The following SSBP1 variants were observed in gnomAD, a reference collection of about 807,000 sequenced individuals.
The protein encoded by SSBP1 is single-stranded DNA-binding protein, mitochondrial.
In SSBP1, 20 loss-of-function variants were observed where a neutral mutation model predicts 27.0. The observed-to-expected ratio is 0.74, with a 90% CI of 0.52 to 1.08. The LOEUF (loss-of-function observed/expected upper bound fraction) is 1.08, where lower values mean the gene tolerates loss of function less well. SSBP1 is among the 50% of genes least tolerant of loss of function. The pLI is 0.00. For synonymous variants in SSBP1, 59 were observed against 59.3 expected (o/e 1.00, Z 0.02); for missense variants, 137 against 182.4 (o/e 0.75, Z 1.44).
At chr7:141,749,962 G>T (rs1250813869) in intron 6 of SSBP1, among the ~76,000 whole-genome samples, 1 of 152,174 alleles carries the variant, frequency 6.6e-6, no homozygotes, top group Non-Finnish European at 1.5e-5. Flanking sequence ...TTTCTCTGAG[G>T]ATGTGCTGCC....
chr7:141,739,055 T>C, intron 1 of SSBP1, 69 bp from the exon 2 acceptor site: 3 of 847,224 alleles, frequency 3.5e-6, no homozygotes, highest in Non-Finnish European at 5.4e-6. Context: ...GTTAGGAATT[T>C]AGGACTGGTG....
chr7:141,747,814 A>G (rs1799838578), intron 6 of SSBP1, among the ~76,000 whole-genome samples: 1 of 151,210 alleles, frequency 6.6e-6, no homozygotes, highest in Admixed American at 6.6e-5. Flanking sequence ...GCCTGGGAAC[A>G]TGGTGAAACC....
At chr7:141,746,187 A>C (rs575254426) in intron 6 of SSBP1, 1 of 162,430 alleles carries the variant, frequency 6.2e-6, no homozygotes, top group South Asian at 2.0e-4. Flanking sequence ...CACCTGGCTA[A>C]TTTTTGTAAT....
Position 141,742,859 on chromosome 7 carries a change from A to G in SSBP1, c.85+630A>G, listed in dbSNP as rs79211688. ...ACATTTCTCTCAGTCTTGAGTGTGG[A>G]TTTCTTTTTTTTTGAGACTGAGTCT... is the stretch of plus-strand genomic sequence containing the variant. On this transcript the variant is annotated intron_variant, in intron 3 of 6. Coordinates refer to ENST00000265304, the MANE Select transcript of SSBP1 (RefSeq NM_003143.3). Among the ~76,000 whole-genome samples, 6 of 151,776 alleles carry G rather than the reference A, an allele frequency of 4.0e-5. No homozygotes were observed. The East Asian group carries it at 9.7e-4, about 25-fold the overall frequency.
chr7:141,745,768 T>C lies in SSBP1; in HGVS notation c.403+184T>C. 4 of 1,333,924 alleles carry C rather than the reference T, an allele frequency of 3.0e-6. 1 individual carries two copies. The highest frequency in any genetic ancestry group is 5.5e-5 in the East Asian group (2 of 36,672). The allele number at this position is 1,333,924 out of a possible 1,614,324, so 82.6% of individuals were successfully genotyped here. A position where few individuals can be genotyped will look rare whatever the true frequency, so the allele number is the denominator to read the frequency against. On this transcript the variant is annotated intron_variant, in intron 6 of 6. Transcript: ENST00000265304. ...GAGTTTGTACATTTATCCCTTCCTT[T>C]AAAAAATTATTTTTATACTTACAGT...
At chr7:141,747,573 A>G (rs1284160988) in intron 6 of SSBP1, among the ~76,000 whole-genome samples, 1 of 151,630 alleles carries the variant, frequency 6.6e-6, no homozygotes, top group Non-Finnish European at 1.5e-5. Flanking sequence ...TATTTGTAGT[A>G]GAGATGGGGT....
chr7:141,750,233 T>C (rs1439160456), intron 6 of SSBP1, 78 bp from the exon 7 acceptor site: 11 of 1,023,490 alleles, frequency 1.1e-5, no homozygotes, highest in African/African-American at 1.6e-5. Flanking sequence ...ACTAAAGTTA[T>C]ATGTATTAGA....
chr7:141,743,581 C>T lies in SSBP1; in HGVS notation c.106C>T (p.Leu36Phe), dbSNP rs769017248. 3.7e-6 allele frequency: 6 copies of T among 1,613,988 alleles called. No individual in the cohort carries two copies. The highest frequency in any genetic ancestry group is 1.7e-6 in the Non-Finnish European group (2 of 1,180,032). The change falls in exon 4 of 7, where the codon CTT becomes TTT. Residue 36 changes from leucine to phenylalanine, a missense_variant. Leu to Phe is a conservative substitution (Grantham distance 22, BLOSUM62 0). Coordinates refer to ENST00000265304, the MANE Select transcript of SSBP1 (RefSeq NM_003143.3). ...TTCAGCCCTGAATCGTGTGCACTTACTTGGGCGAGTGGGTCAGGACCCTGT... is the reference window on the plus strand; with the variant it reads ...TTCAGCCCTGAATCGTGTGCACTTATTTGGGCGAGTGGGTCAGGACCCTGT... Reference protein sequence around the residue: ...LERSLNRVHLLGRVGQDPVLR... With the variant: ...LERSLNRVHLFGRVGQDPVLR...
At chr7:141,741,509 C>T (rs1799531155) in intron 2 of SSBP1, 1 of 152,168 alleles carries the variant, frequency 6.6e-6, no homozygotes, top group Middle Eastern at 3.2e-3. Context: ...TTGATCATTG[C>T]ATATGTTATT....
intron 3 of SSBP1, 64 bp downstream of exon 3, chr7:141,742,293 G>T: frequency 8.0e-7 from 1 of 1,249,208 alleles, no homozygotes. Context: ...CAAATGTGTT[G>T]TAGAAGAGGT....
In SSBP1 at chr7:141,742,936, A is replaced by G. The variant is rs374551101; in HGVS notation, c.86-625A>G. ...GTGGCGCGGTCTCCGCTCACTGCAA[A>G]CTCTGCCTCCCGGGTTCATGCCATT... On this transcript the variant is annotated intron_variant, in intron 3 of 6. Coordinates refer to ENST00000265304, the MANE Select transcript of SSBP1 (RefSeq NM_003143.3). 3.3e-5 allele frequency among the ~76,000 whole-genome samples: 5 copies of G among 151,960 alleles called. No homozygotes were observed. The East Asian group carries it at 5.8e-4, about 18-fold the overall frequency.
intron 6 of SSBP1, chr7:141,745,840 A>G: frequency 5.9e-6 from 7 of 1,187,756 alleles, no homozygotes; most frequent in Admixed American, 4.0e-5. Context: ...TGAATTATCC[A>G]TCCCAGTACT....
chr7:141,744,707 G>T (rs554992276), intron 5 of SSBP1, among the ~76,000 whole-genome samples: 3 of 152,084 alleles, frequency 2.0e-5, no homozygotes, highest in African/African-American at 4.8e-5. Flanking sequence ...TATCTTCATT[G>T]CCCTTTATGT....
At chr7:141,745,631 T>C in intron 6 of SSBP1, 47 bp downstream of exon 6, 1 of 1,609,158 alleles carries the variant, frequency 6.2e-7, no homozygotes, top group Non-Finnish European at 8.5e-7. Flanking sequence ...TCTCCTTTTC[T>C]TTTTTAAAAG....
rs1799405775 is a variant in SSBP1, at chr7:141,739,105, T to C, written c.-43-19T>C. 3 of 1,471,044 alleles carry C rather than the reference T, an allele frequency of 2.0e-6. No individual in the cohort carries two copies. Among genetic ancestry groups the C allele is most frequent in the African/African-American group, 2.8e-5 (2 of 70,678 alleles). 91.1% of individuals were successfully genotyped at this position (1,471,044 alleles called of 1,614,324 possible). ...CATAAGAGGTAATGTTTTTTTCTTA[T>C]TTTGTTTTTTTCCTTCAGGAAAAGC... On this transcript the variant is annotated intron_variant, in intron 1 of 6. Transcript: ENST00000265304.
At chr7:141,745,300 T>C (rs1276548946) in intron 5 of SSBP1, among the ~76,000 whole-genome samples, 196 bp from the exon 6 acceptor site, 2 of 152,224 alleles carry the variant, frequency 1.3e-5, no homozygotes. Flanking sequence ...TTGTCTGTTT[T>C]ACCTAGATGT....
At chr7:141,750,267 G>C in intron 6 of SSBP1, 44 bp from the exon 7 acceptor site, 1 of 1,401,808 alleles carries the variant, frequency 7.1e-7, no homozygotes, top group South Asian at 1.2e-5. Context: ...ATGAGATGGA[G>C]AAAGAGTTCT....
At chr7:141,750,253 T>A in intron 6 of SSBP1, 58 bp from the exon 7 acceptor site, 1 of 1,269,956 alleles carries the variant, frequency 7.9e-7, no homozygotes, top group Non-Finnish European at 1.1e-6. Flanking sequence ...AGGAGAATTA[T>A]TGAATGAGAT....
At chr7:141,745,352 C>T in intron 5 of SSBP1, 144 bp from the exon 6 acceptor site, 1 of 577,838 alleles carries the variant, frequency 1.7e-6, no homozygotes, top group Non-Finnish European at 2.8e-6. Context: ...ACTCCTAATC[C>T]TGAACCTTGA....
Sources: gnomAD v4.1 joint callset for allele counts (sites outside exome capture counted in the v4.1 genomes callset) on GRCh38, gnomAD v4.1.1 for gene constraint, MANE v1.5 for transcripts, NCBI Gene and HGNC (gene_info 2026-07-23, HGNC 2026-07-21) for gene names.